COL25A1: variants seen among roughly 807,000 people sequenced by gnomAD.
COL25A1 encodes the protein collagen alpha-1(XXV) chain.
Under a neutral mutation model 128.4 loss-of-function variants are expected in COL25A1, and 103 were observed. The ratio of observed to expected loss-of-function variants is 0.80; its 90% CI spans 0.68 to 0.94. The LOEUF is 0.94. COL25A1 is among the 40% of genes least tolerant of loss of function. COL25A1 has a pLI of 0.00. For synonymous variants in COL25A1, 279 were observed against 277.2 expected (o/e 1.01, Z -0.06); for missense variants, 745 against 840.0 (o/e 0.89, Z 1.40).
At position 109,231,303 on chromosome 4, in the gene COL25A1, C is replaced by T. The variant is rs184160719; in HGVS notation, c.367+69280G>A. 2.0e-4 allele frequency among the ~76,000 whole-genome samples: 30 copies of T among 151,302 alleles called. 1 individual carries two copies. In the East Asian group the frequency reaches 5.9e-3, roughly 30 times the overall value. ...TCCAAACCCACCAAATACTCATAGTCAAGCTTCATGTTACATGACAAACTA... is the reference window on the plus strand; with the variant it reads ...TCCAAACCCACCAAATACTCATAGTTAAGCTTCATGTTACATGACAAACTA... On this transcript the variant is annotated intron_variant, in intron 3 of 37. Coordinates refer to ENST00000399132, the MANE Select transcript of COL25A1 (RefSeq NM_198721.4).
At chr4:108,815,793 T>C (rs912651150) in intron 37 of COL25A1, among the ~76,000 whole-genome samples, 1 of 152,100 alleles carries the variant, frequency 6.6e-6, no homozygotes, top group African/African-American at 2.4e-5. Context: ...TTTAAGGGTA[T>C]AAACCCCTTT....
rs1170287852 is a variant in COL25A1, at chr4:109,301,771, A to C, written c.249T>G (p.Asp83Glu). The change falls in exon 2 of 38, where the codon GAT becomes GAG. Residue 83 changes from aspartate (D) to glutamate (E), a missense_variant. By Grantham distance (45) the Asp-to-Glu change is conservative. This residue lies in a region of COL25A1 where 319 missense variants were observed against 324.9 expected (regional missense o/e 0.98). Transcript: ENST00000399132. The part of the protein sequence containing the change: ...PSIHLLPDTL[D>E]HLKTMVQEKV... ...TCTCTTGCACCATAGTCTTGAGGTG[A>C]TCCAGGGTATCAGGCAGCAGATGAA... 12 of 1,614,096 alleles carry C rather than the reference A, an allele frequency of 7.4e-6. No individual in the cohort carries two copies. Among genetic ancestry groups the C allele is most frequent in the Middle Eastern group, 1.6e-4 (1 of 6,084 alleles).
chr4:108,963,033 A>T (rs1469183003), intron 8 of COL25A1, among the ~76,000 whole-genome samples: 1 of 152,182 alleles, frequency 6.6e-6, no homozygotes, highest in Non-Finnish European at 1.5e-5. Flanking sequence ...TTATGAAAGG[A>T]TGCTGCTGTC....
rs546342432 is a variant in COL25A1 at position 109,205,351 on chromosome 4, T to G, written c.367+95232A>C. On this transcript the variant is annotated intron_variant, in intron 3 of 37. Coordinates refer to ENST00000399132, the MANE Select transcript of COL25A1 (RefSeq NM_198721.4). ...TTCACATTTTAGCTGGGCATATGGCTGCCTAGCTAAAGACTACGTTTCCCA... is the reference window on the plus strand; with the variant it reads ...TTCACATTTTAGCTGGGCATATGGCGGCCTAGCTAAAGACTACGTTTCCCA... Among the ~76,000 whole-genome samples the G allele has an allele frequency of 2.0e-5, 3 of 152,268 alleles. No individual in the cohort carries two copies. The South Asian group carries it at 6.2e-4, about 32-fold the overall frequency.
intron 20 of COL25A1, among the ~76,000 whole-genome samples, chr4:108,864,217 C>A (rs1215643473): frequency 6.6e-6 from 1 of 152,122 alleles, no homozygotes; most frequent in Non-Finnish European, 1.5e-5. Flanking sequence ...ATAGAAAGAC[C>A]TTTAAAGGGA....
At chr4:109,232,899 A>G (rs1230817292) in intron 3 of COL25A1, among the ~76,000 whole-genome samples, 1 of 152,204 alleles carries the variant, frequency 6.6e-6, no homozygotes, top group African/African-American at 2.4e-5. Flanking sequence ...GAATGTTCTG[A>G]AAACAGTTCA....
At chr4:109,027,276 T>C (rs987211514) in intron 5 of COL25A1, among the ~76,000 whole-genome samples, 3 of 151,976 alleles carry the variant, frequency 2.0e-5, no homozygotes, top group African/African-American at 7.3e-5. Flanking sequence ...AGGGTGGTCA[T>C]GGGGGGGCCT....
At chr4:109,002,259 G>A (rs1464993575) in intron 6 of COL25A1, among the ~76,000 whole-genome samples, 1 of 152,206 alleles carries the variant, frequency 6.6e-6, no homozygotes, top group Admixed American at 6.5e-5. Context: ...ATATCTGCAT[G>A]CACGTGTTCA....
chr4:109,123,320 G>A (rs1388574884), intron 3 of COL25A1, among the ~76,000 whole-genome samples: 1 of 151,768 alleles, frequency 6.6e-6, no homozygotes, highest in Non-Finnish European at 1.5e-5. Context: ...AAAAAAACAG[G>A]TTGTTTTTCC....
At chr4:108,979,415 A>G (rs538867847) in intron 6 of COL25A1, among the ~76,000 whole-genome samples, 27 of 152,210 alleles carry the variant, frequency 1.8e-4, no homozygotes, top group Non-Finnish European at 3.7e-4. Context: ...GAAAAGAGAG[A>G]TATATTCATA....
intron 8 of COL25A1, among the ~76,000 whole-genome samples, chr4:108,943,198 TACA>T (rs1402171533): frequency 1.3e-5 from 2 of 152,228 alleles, no homozygotes; most frequent in African/African-American, 2.4e-5. Context: ...CTTACAAAAT[TACA>T]ACATCTTAAT....
chr4:108,968,902 T>C lies in COL25A1; in HGVS notation c.492+5465A>G, dbSNP rs77665481. ...GCCAGAAACTTTAGCCCTATCTTTG[T>C]CTTCTTTTTCAACTTCATCCCCTAC... On this transcript the variant is annotated intron_variant, in intron 8 of 37. Coordinates refer to ENST00000399132, the MANE Select transcript of COL25A1 (RefSeq NM_198721.4). Among the ~76,000 whole-genome samples the C allele has an allele frequency of 4.6e-3, 701 of 152,304 alleles. 1 individual carries two copies. The highest frequency in any genetic ancestry group is 0.01 in the Middle Eastern group (3 of 294).
chr4:109,222,059 C>A (rs1412622423), intron 3 of COL25A1, among the ~76,000 whole-genome samples: 1 of 85,764 alleles, frequency 1.2e-5, no homozygotes. Context: ...TAAATAACTT[C>A]TTTTTTTTTT....
At chr4:109,130,884 T>G (rs1769132002) in intron 3 of COL25A1, among the ~76,000 whole-genome samples, 1 of 152,192 alleles carries the variant, frequency 6.6e-6, no homozygotes. Context: ...ACTAAACCAT[T>G]TGTTTATAAT....
chr4:109,129,942 G>A (rs535867885), intron 3 of COL25A1, among the ~76,000 whole-genome samples: 42 of 150,570 alleles, frequency 2.8e-4, no homozygotes, highest in Admixed American at 2.1e-3. Flanking sequence ...CATGGCACAT[G>A]TATACATATG....
chr4:109,122,904 C>T (rs1451546895), intron 3 of COL25A1, among the ~76,000 whole-genome samples: 1 of 151,898 alleles, frequency 6.6e-6, no homozygotes, highest in Non-Finnish European at 1.5e-5. Flanking sequence ...AAGGAATGAC[C>T]GTAGAGCAGA....
chr4:109,044,156 G>T lies in COL25A1; in HGVS notation c.420+4012C>A, dbSNP rs189430772. On this transcript the variant is annotated intron_variant, in intron 5 of 37. Coordinates refer to ENST00000399132, the MANE Select transcript of COL25A1 (RefSeq NM_198721.4). Reference sequence around the variant, plus strand: ...ATATATATATCTCAAAATAGATAAGGCTGAGTAATAAGCTGAAAGCTTCCT... The same window carrying T: ...ATATATATATCTCAAAATAGATAAGTCTGAGTAATAAGCTGAAAGCTTCCT... Among the ~76,000 whole-genome samples, 151 of 151,816 alleles carry T rather than the reference G, an allele frequency of 9.9e-4. 2 individuals carry two copies. In the Middle Eastern group the frequency reaches 0.017, roughly 17 times the overall value.
chr4:109,250,369 T>TAC (rs61574026), intron 3 of COL25A1, among the ~76,000 whole-genome samples: 15,754 of 134,898 alleles, frequency 0.12, 909 homozygotes, highest in Non-Finnish European at 0.13. Flanking sequence ...AAGTAGGAGA[T>TAC]ACACACACAC....
intron 13 of COL25A1, among the ~76,000 whole-genome samples, chr4:108,910,566 T>C (rs770613739): frequency 1.3e-5 from 2 of 152,310 alleles, no homozygotes; most frequent in African/African-American, 4.8e-5. Flanking sequence ...ATACAAACAC[T>C]GAGCGGCAAA....
Sources: allele counts gnomAD v4.1 joint callset (sites outside exome capture counted in the v4.1 genomes callset), GRCh38; gene constraint gnomAD v4.1.1; regional missense constraint gnomAD v4.1.1; transcripts MANE v1.5; gene names NCBI Gene and HGNC (gene_info 2026-07-23, HGNC 2026-07-21).